Variants in DGAT2L6 observed in about 807,000 individuals in gnomAD.
DGAT2L6 encodes the protein diacylglycerol O-acyltransferase 2-like protein 6.
In DGAT2L6, 22 loss-of-function variants were observed where a neutral mutation model predicts 25.5. The ratio of observed to expected loss-of-function variants is 0.86; its 90% confidence interval spans 0.62 to 1.23. The LOEUF is 1.23. DGAT2L6 is among the 50% of genes most tolerant of loss of function. The pLI is 0.00. For missense variants in DGAT2L6, 287 were observed against 253.2 expected (o/e 1.13, Z -0.91); for synonymous variants, 100 against 94.7 (o/e 1.06, Z -0.32).
chrX:70,202,465 G>C (rs1487347924), intron 5 of DGAT2L6, among the ~76,000 whole-genome samples: 1 of 111,659 alleles, frequency 9.0e-6, no homozygotes, highest in Non-Finnish European at 1.9e-5. Flanking sequence ...CATACAATCT[G>C]GTTTGAGAAA....
At chrX:70,194,621 T>C (rs2085385327) in intron 1 of DGAT2L6, among the ~76,000 whole-genome samples, 1 of 111,525 alleles carries the variant, frequency 9.0e-6, no homozygotes, top group South Asian at 3.7e-4. Flanking sequence ...TTGAAATGGG[T>C]CCCAAGAATA....
At position 70,177,658 on chromosome X, in the gene DGAT2L6, A is replaced by G; in HGVS notation, c.76A>G (p.Ile26Val). 1 of 1,208,017 alleles carries G rather than the reference A, an allele frequency of 8.3e-7. No homozygotes were observed. Among genetic ancestry groups the G allele is most frequent in the Non-Finnish European group, 1.1e-6 (1 of 892,835 alleles). Residue 26 changes from isoleucine (I) to valine (V), a missense_variant, in exon 1 of 7, where the codon ATA (isoleucine) becomes GTA (valine). Ile to Val is a conservative substitution (Grantham distance 29). Coordinates refer to ENST00000333026, the MANE Select transcript of DGAT2L6 (RefSeq NM_198512.3). Reference sequence around the variant, plus strand: ...TGTTTTGCAATGGATCCCAGTCTATATATTTTTAGGTGAGTGAACCCCAAG... The same window carrying G: ...TGTTTTGCAATGGATCCCAGTCTATGTATTTTTAGGTGAGTGAACCCCAAG... ...FFVLQWIPVY[I>V]FLGAIPILLI...
chrX:70,183,595 G>C (rs1439091415), intron 1 of DGAT2L6, among the ~76,000 whole-genome samples: 1 of 111,844 alleles, frequency 8.9e-6, no homozygotes, highest in Non-Finnish European at 1.9e-5. Flanking sequence ...GCAAGACCAA[G>C]CTTGACACTA....
chrX:70,188,162 G>A (rs2085365086), intron 1 of DGAT2L6, among the ~76,000 whole-genome samples: 1 of 111,748 alleles, frequency 8.9e-6, no homozygotes, highest in African/African-American at 3.3e-5. Flanking sequence ...AGGTCATATT[G>A]GTACCATTTT....
At chrX:70,188,254 A>G (rs1410602951) in intron 1 of DGAT2L6, among the ~76,000 whole-genome samples, 1 of 111,554 alleles carries the variant, frequency 9.0e-6, no homozygotes, top group African/African-American at 3.3e-5. Flanking sequence ...ATAAAGAGTG[A>G]CATTATGTAA....
At chrX:70,202,472 G>A (rs1217597049) in intron 5 of DGAT2L6, among the ~76,000 whole-genome samples, 1 of 111,900 alleles carries the variant, frequency 8.9e-6, no homozygotes, top group Non-Finnish European at 1.9e-5. Context: ...TCTGGTTTGA[G>A]AAATAGACCT....
At chrX:70,201,313 G>A (rs940338720) in intron 4 of DGAT2L6, among the ~76,000 whole-genome samples, 1 of 112,449 alleles carries the variant, frequency 8.9e-6, no homozygotes, top group African/African-American at 3.2e-5. Context: ...ATGGGAGACA[G>A]AAGTGAGAAA....
intron 1 of DGAT2L6, among the ~76,000 whole-genome samples, chrX:70,180,274 C>G (rs1286728705): frequency 8.2e-5 from 9 of 110,312 alleles, no homozygotes. Context: ...CATGATGAAA[C>G]CCCATCTCTA....
At chrX:70,178,663 C>A (rs1044459768) in intron 1 of DGAT2L6, among the ~76,000 whole-genome samples, 1 of 111,324 alleles carries the variant, frequency 9.0e-6, no homozygotes, top group Non-Finnish European at 1.9e-5. Context: ...GCTATATGAC[C>A]CTTAGAGCAG....
At chrX:70,203,015 G>A (rs148381235) in intron 5 of DGAT2L6, among the ~76,000 whole-genome samples, 1 of 111,909 alleles carries the variant, frequency 8.9e-6, no homozygotes, top group Non-Finnish European at 1.9e-5. Flanking sequence ...TCCTGCTTTA[G>A]AGTCTTTGCT....
chrX:70,186,627 A>G (rs1021538192), intron 1 of DGAT2L6, among the ~76,000 whole-genome samples: 14 of 111,948 alleles, frequency 1.3e-4, no homozygotes, highest in East Asian at 5.6e-4. Context: ...CTATGCTATT[A>G]TTACTTAACA....
intron 1 of DGAT2L6, among the ~76,000 whole-genome samples, chrX:70,196,503 G>GAAAAA (rs1164024384): frequency 2.8e-5 from 2 of 70,582 alleles, no homozygotes; most frequent in Non-Finnish European, 2.8e-5. Context: ...AAAAAAAAAA[G>GAAAAA]AAAGAAAAAA....
rs1459407612 is a variant in DGAT2L6 at position 70,179,149 on chromosome X, C to T, written c.85+1482C>T. ...GGCTTCACCAGACTGCCAGAGGGGT[C>T]CACAGCCTTCTCAAAATGCAGACTT... On this transcript the variant is annotated intron_variant, in intron 1 of 6. Coordinates refer to ENST00000333026, the MANE Select transcript of DGAT2L6 (RefSeq NM_198512.3). Among the ~76,000 whole-genome samples, 11 of 111,964 alleles carry T rather than the reference C, an allele frequency of 9.8e-5. 1 individual carries two copies. Among genetic ancestry groups the T allele is most frequent in the Admixed American group, 1.9e-4 (2 of 10,517 alleles).
chrX:70,180,029 CAAG>C (rs2085338663), intron 1 of DGAT2L6, among the ~76,000 whole-genome samples: 1 of 111,122 alleles, frequency 9.0e-6, no homozygotes, highest in Non-Finnish European at 1.9e-5. Context: ...TGTGAGGGAC[CAAG>C]AAGGTGAGGA....
At chrX:70,180,188 C>A (rs1052503107) in intron 1 of DGAT2L6, among the ~76,000 whole-genome samples, 1 of 111,280 alleles carries the variant, frequency 9.0e-6, no homozygotes, top group Non-Finnish European at 1.9e-5. Flanking sequence ...CGGTGGCTCA[C>A]GCCTGTAATC....
intron 1 of DGAT2L6, among the ~76,000 whole-genome samples, chrX:70,192,711 T>A (rs1191967984): frequency 9.2e-6 from 1 of 108,917 alleles, no homozygotes; most frequent in Non-Finnish European, 1.9e-5. Flanking sequence ...ATGTCACAAA[T>A]CAATAACCTA....
At chrX:70,199,754 G>T in intron 2 of DGAT2L6, 58 bp from the exon 3 acceptor site, 2 of 1,114,294 alleles carry the variant, frequency 1.8e-6, no homozygotes, top group Non-Finnish European at 2.5e-6. Flanking sequence ...CCTCCTCTGG[G>T]AGAGGTAGAG....
intron 1 of DGAT2L6, among the ~76,000 whole-genome samples, chrX:70,193,604 T>A (rs756334386): frequency 4.5e-5 from 5 of 112,111 alleles, no homozygotes; most frequent in Non-Finnish European, 9.4e-5. Context: ...CATGCATATG[T>A]CAATAAATGT....
chrX:70,186,244 C>CTGAT (rs1172056558), intron 1 of DGAT2L6, among the ~76,000 whole-genome samples: 3 of 112,142 alleles, frequency 2.7e-5, no homozygotes, highest in Non-Finnish European at 5.6e-5. Flanking sequence ...AACTTACTGT[C>CTGAT]TGATAGGGAG....
Sources: gnomAD v4.1 joint callset for allele counts (sites outside exome capture counted in the v4.1 genomes callset) on GRCh38, gnomAD v4.1.1 for gene constraint, MANE v1.5 for transcripts, NCBI Gene and HGNC (gene_info 2026-07-23, HGNC 2026-07-21) for gene names.